ADD1: variants seen among roughly 807,000 people sequenced by gnomAD.
The protein encoded by ADD1 is alpha-adducin.
ADD1 carries 24 observed loss-of-function variants against 80.5 expected under a neutral mutation model. The observed-to-expected ratio is 0.30, with a 90% confidence interval of 0.22 to 0.42. The LOEUF is 0.42. Ranked by LOEUF, ADD1 falls within the 10% of genes least tolerant of loss-of-function variation. The pLI is 1.00. For missense variants in ADD1, 948 were observed against 1,019.0 expected (o/e 0.93, Z 0.95); for synonymous variants, 373 against 393.8 (o/e 0.95, Z 0.63).
intron 1 of ADD1, among the ~76,000 whole-genome samples, chr4:2,869,485 A>T (rs767264293): frequency 5.9e-5 from 9 of 152,136 alleles, no homozygotes; most frequent in Non-Finnish European, 1.2e-4. Flanking sequence ...AACTAATTAC[A>T]TCTGTAGCGA....
chr4:2,907,551 C>T (rs751432394), intron 10 of ADD1, 192 bp from the exon 11 acceptor site: 1 of 523,490 alleles, frequency 1.9e-6, no homozygotes, highest in Non-Finnish European at 3.5e-6. Context: ...CCAGCATTAA[C>T]TGGTCTTTAT....
At chr4:2,881,222 C>A (rs756904334) in intron 2 of ADD1, among the ~76,000 whole-genome samples, 1 of 151,708 alleles carries the variant, frequency 6.6e-6, no homozygotes, top group Non-Finnish European at 1.5e-5. Context: ...GGATTACAGG[C>A]GCCCACCACC....
intron 13 of ADD1, 42 bp downstream of exon 13, chr4:2,909,473 C>T (rs1459952229): frequency 5.0e-6 from 7 of 1,405,894 alleles, no homozygotes; most frequent in African/African-American, 4.3e-5. Context: ...ATGCGCCTTG[C>T]TCCCCTCCCC....
chr4:2,887,261 G>A (rs929945224), intron 4 of ADD1, among the ~76,000 whole-genome samples: 3 of 152,154 alleles, frequency 2.0e-5, no homozygotes, highest in Admixed American at 6.5e-5. Context: ...GTATGGTATA[G>A]ACGCTTAACA....
chr4:2,926,851 G>A lies in ADD1; in HGVS notation c.2047+739G>A, dbSNP rs937800698. Among the ~76,000 whole-genome samples the A allele has an allele frequency of 3.3e-5, 5 of 152,246 alleles. No individual in the cohort carries two copies. The highest frequency in any genetic ancestry group is 7.3e-5 in the Non-Finnish European group (5 of 68,044). On this transcript the variant is annotated intron_variant, in intron 15 of 15. Coordinates refer to ENST00000683351, the MANE Select transcript of ADD1 (RefSeq NM_001354761.2). The surrounding 1 kb of genome is among the most constrained non-coding windows in gnomAD (Gnocchi z 5.0). ...CTGGAAGTGGTTCAGTCACCTGAGT[G>A]CTGTGCTGCCTTCAGCGGCAGCGGG...
chr4:2,912,821 C>T (rs897778376), intron 13 of ADD1, among the ~76,000 whole-genome samples: 2 of 152,122 alleles, frequency 1.3e-5, no homozygotes, highest in African/African-American at 4.8e-5. Flanking sequence ...GCTGTGGTGC[C>T]TGGCTGATAG....
chr4:2,849,989 T>C (rs540542182), intron 1 of ADD1, among the ~76,000 whole-genome samples: 2 of 152,356 alleles, frequency 1.3e-5, no homozygotes, highest in South Asian at 2.1e-4. Context: ...TGAAAACATA[T>C]GTCCGTACAA....
intron 1 of ADD1, among the ~76,000 whole-genome samples, chr4:2,845,261 CG>C (rs1321951702): frequency 1.3e-5 from 2 of 152,068 alleles, no homozygotes; most frequent in Non-Finnish European, 2.9e-5. Flanking sequence ...TTAGTAGAGA[CG>C]GGGTTTCACC....
At position 2,928,268 on chromosome 4, in the gene ADD1, C is replaced by T. The variant is rs767173436; in HGVS notation, c.2145C>T (p.Leu715=). The change falls in exon 16 of 16, where the codon CTC becomes CTT. Residue 715 remains leucine (L), a synonymous_variant. Transcript: ENST00000683351. ...DLSPDEPSEA[L]GFPMLEKEEE... ...CCCCTGATGAACCTTCAGAAGCACT[C>T]GGCTTCCCAATGTTAGAGAAGGAGG... The T allele has an allele frequency of 3.0e-5, 49 of 1,613,962 alleles. No individual in the cohort carries two copies. Among genetic ancestry groups the T allele is most frequent in the African/African-American group, 4.0e-5 (3 of 74,878 alleles).
chr4:2,868,434 G>A (rs928517210), intron 1 of ADD1, among the ~76,000 whole-genome samples: 5 of 152,126 alleles, frequency 3.3e-5, no homozygotes, highest in African/African-American at 7.2e-5. Flanking sequence ...CTTCAGTGTC[G>A]GAGCCCCCAA....
intron 3 of ADD1, among the ~76,000 whole-genome samples, chr4:2,883,366 G>T (rs1292006939): frequency 6.6e-6 from 1 of 151,496 alleles, no homozygotes; most frequent in African/African-American, 2.4e-5. Context: ...AACATAGTCA[G>T]TGTGTTTCAC....
At chr4:2,908,793 G>A (rs1441494007) in intron 12 of ADD1, 189 bp downstream of exon 12, 1 of 604,084 alleles carries the variant, frequency 1.7e-6, no homozygotes, top group African/African-American at 1.9e-5. Context: ...GAGCGAGCAT[G>A]CTGAGGGCTG....
chr4:2,884,515 G>T lies in ADD1; in HGVS notation c.359G>T (p.Ser120Ile). Residue 120 changes from serine to isoleucine, a missense_variant and splice_region_variant, in exon 4 of 16, where the codon AGT becomes ATT. Physicochemically the swap from Ser to Ile is moderately radical, Grantham distance 142 (BLOSUM62 -2). Transcript: ENST00000683351. Reference sequence around the variant, plus strand: ...TGAGTTTTGTTTTTCTTTATTTCAGGTCTTGGTATGGTGACTCCTGTGAAC... The same window carrying T: ...TGAGTTTTGTTTTTCTTTATTTCAGTTCTTGGTATGGTGACTCCTGTGAAC... ...PQGGMAALNM[S>I]LGMVTPVNDL... The T allele has an allele frequency of 1.3e-6, 2 of 1,594,736 alleles. No homozygotes were observed. The highest frequency in any genetic ancestry group is 1.7e-6 in the Non-Finnish European group (2 of 1,166,702).
chr4:2,852,186 C>CT (rs1553815099), intron 1 of ADD1, among the ~76,000 whole-genome samples: 1 of 40,304 alleles, frequency 2.5e-5, no homozygotes, highest in Non-Finnish European at 4.8e-5. Context: ...TTCTTTCTTT[C>CT]TTTCTTTCTT....
At chr4:2,921,145 T>C (rs1450974834) in intron 14 of ADD1, among the ~76,000 whole-genome samples, 1 of 152,142 alleles carries the variant, frequency 6.6e-6, no homozygotes, top group Non-Finnish European at 1.5e-5. Flanking sequence ...CTTTTTTTTT[T>C]GAGACGGAGT....
chr4:2,847,035 T>G (rs956062707), intron 1 of ADD1, among the ~76,000 whole-genome samples: 1 of 151,886 alleles, frequency 6.6e-6, no homozygotes, highest in Non-Finnish European at 1.5e-5. Flanking sequence ...GAGAATGGCG[T>G]GAACCCGGGA....
rs1725750861 is a variant in ADD1, at chr4:2,843,861, C to T, written c.-184C>T. 6.6e-6 allele frequency: 1 copy of T among 152,472 alleles called. No individual in the cohort carries two copies. The highest frequency in any genetic ancestry group is 1.5e-5 in the Non-Finnish European group (1 of 68,340). 9.4% of individuals were successfully genotyped at this position (152,472 alleles called of 1,614,324 possible). On this transcript the variant is annotated 5_prime_UTR_variant, in exon 1 of 16. Transcript: ENST00000683351. ...TGGGCTGCAGCGCCGCAGGCCGCAC[C>T]CAGGTCGGGCGGTGGGGGCGAGCGG...
chr4:2,899,679 A>G (rs1462406235), intron 9 of ADD1: 1 of 518,170 alleles, frequency 1.9e-6, no homozygotes, highest in Non-Finnish European at 3.5e-6. Context: ...CAGTGGGGAC[A>G]AGAGCACAGA....
chr4:2,909,475 C>T (rs1047664177), intron 13 of ADD1, 44 bp downstream of exon 13: 23 of 1,401,372 alleles, frequency 1.6e-5, no homozygotes, highest in Admixed American at 7.9e-5. Flanking sequence ...GCGCCTTGCT[C>T]CCCTCCCCTC....
Sources: gnomAD v4.1 joint callset for allele counts (sites outside exome capture counted in the v4.1 genomes callset) on GRCh38, gnomAD v4.1.1 for gene constraint, Gnocchi (gnomAD v3.1) non-coding constraint, MANE v1.5 for transcripts, NCBI Gene and HGNC (gene_info 2026-07-23, HGNC 2026-07-21) for gene names.